APCDD1L: variants seen among roughly 807,000 people sequenced by gnomAD.
APCDD1L encodes the protein protein APCDD1-like.
A neutral mutation model predicts 24.2 loss-of-function variants in APCDD1L; 21 were observed. The observed-to-expected ratio is 0.87, with a 90% CI of 0.61 to 1.25. The LOEUF (loss-of-function observed/expected upper bound fraction) is 1.25. APCDD1L is among the 50% of genes most tolerant of loss of function. APCDD1L has a pLI of 0.00. For missense variants in APCDD1L, 704 were observed against 711.7 expected (o/e 0.99, Z 0.12); for synonymous variants, 321 against 323.6 (o/e 0.99, Z 0.09).
chr20:58,504,989 G>A (rs2075211990), intron 1 of APCDD1L, among the ~76,000 whole-genome samples: 2 of 152,190 alleles, frequency 1.3e-5, no homozygotes, highest in South Asian at 4.1e-4. Flanking sequence ...AAACTGTGAA[G>A]CTGTAAACCC....
chr20:58,512,518 TC>T (rs1228128752), intron 1 of APCDD1L, among the ~76,000 whole-genome samples: 1 of 151,880 alleles, frequency 6.6e-6, no homozygotes, highest in Non-Finnish European at 1.5e-5. Flanking sequence ...CAACAAAGAA[TC>T]CTCTGGTGCC....
At chr20:58,474,057 C>T (rs766999839) in intron 1 of APCDD1L, among the ~76,000 whole-genome samples, 1 of 152,204 alleles carries the variant, frequency 6.6e-6, no homozygotes, top group Non-Finnish European at 1.5e-5. Context: ...ACTCACTGAG[C>T]ACACCCAGAA....
chr20:58,498,609 G>T (rs1441136128), intron 1 of APCDD1L, among the ~76,000 whole-genome samples: 3 of 152,220 alleles, frequency 2.0e-5, no homozygotes, highest in Non-Finnish European at 2.9e-5. Flanking sequence ...GCAGAGGGAG[G>T]AGGTCCGGGA....
At position 58,462,199 on chromosome 20, in the gene APCDD1L, G is replaced by A. The variant is rs1021635515; in HGVS notation, c.742-645C>T. On this transcript the variant is annotated intron_variant, in intron 3 of 3. Transcript: ENST00000371149. ...TTGGTCCTGGAATTTGACCGTGAAAGTTGATCTTTTTCTAGCTCACTCTTC... is the reference window on the plus strand; with the variant it reads ...TTGGTCCTGGAATTTGACCGTGAAAATTGATCTTTTTCTAGCTCACTCTTC... 1.5e-4 allele frequency among the ~76,000 whole-genome samples: 23 copies of A among 152,290 alleles called. No individual in the cohort carries two copies. The East Asian group carries it at 1.7e-3, about 12-fold the overall frequency.
At chr20:58,476,145 ATCAT>A (rs1024929274) in intron 1 of APCDD1L, among the ~76,000 whole-genome samples, 8 of 152,184 alleles carry the variant, frequency 5.3e-5, no homozygotes, top group Non-Finnish European at 1.2e-4. Context: ...TGACCCAACT[ATCAT>A]TCATTCATTC....
chr20:58,489,571 C>G (rs1399956114), intron 1 of APCDD1L, among the ~76,000 whole-genome samples: 1 of 151,500 alleles, frequency 6.6e-6, no homozygotes. Flanking sequence ...GTAATCCCAG[C>G]TACTTTGGAG....
chr20:58,488,118 T>G (rs1600863342), intron 1 of APCDD1L, among the ~76,000 whole-genome samples: 1 of 152,166 alleles, frequency 6.6e-6, no homozygotes, highest in East Asian at 1.9e-4. Context: ...AATAAACAAC[T>G]CATACATTTT....
chr20:58,466,721 C>T (rs6026290), intron 3 of APCDD1L, among the ~76,000 whole-genome samples: 3,941 of 152,226 alleles, frequency 0.026, 178 homozygotes, highest in African/African-American at 0.09. Flanking sequence ...CTGCGGGAAA[C>T]GGGGAACGGT....
chr20:58,476,222 G>A (rs1356615935), intron 1 of APCDD1L, among the ~76,000 whole-genome samples: 1 of 152,110 alleles, frequency 6.6e-6, no homozygotes, highest in Non-Finnish European at 1.5e-5. Context: ...ACGGAGTCTT[G>A]CTCTGTCGCC....
intron 1 of APCDD1L, among the ~76,000 whole-genome samples, chr20:58,477,568 T>C (rs181521693): frequency 4.5e-4 from 69 of 152,360 alleles, no homozygotes; most frequent in African/African-American, 1.6e-3. Flanking sequence ...TAAGGAGGCA[T>C]CTACCATGTT....
At chr20:58,477,981 A>G (rs1360404414) in intron 1 of APCDD1L, among the ~76,000 whole-genome samples, 2 of 152,140 alleles carry the variant, frequency 1.3e-5, no homozygotes, top group Non-Finnish European at 2.9e-5. Context: ...TCTCCCATTT[A>G]TCTTTTTATT....
chr20:58,473,464 G>A (rs1989850602), intron 1 of APCDD1L, among the ~76,000 whole-genome samples: 1 of 152,210 alleles, frequency 6.6e-6, no homozygotes, highest in Non-Finnish European at 1.5e-5. Context: ...ACCTGTGGAG[G>A]AGCATCACGT....
At chr20:58,510,950 C>G (rs952953140) in intron 1 of APCDD1L, among the ~76,000 whole-genome samples, 2 of 152,204 alleles carry the variant, frequency 1.3e-5, no homozygotes, top group African/African-American at 4.8e-5. Flanking sequence ...TTCCTGAGAG[C>G]AGGGGCGCTG....
At chr20:58,475,130 G>A (rs1383753144) in intron 1 of APCDD1L, among the ~76,000 whole-genome samples, 1 of 152,226 alleles carries the variant, frequency 6.6e-6, no homozygotes, top group African/African-American at 2.4e-5. Flanking sequence ...CGCAGGTATG[G>A]ATCAAAGAGA....
At chr20:58,510,804 C>T (rs1428402775) in intron 1 of APCDD1L, among the ~76,000 whole-genome samples, 2 of 152,190 alleles carry the variant, frequency 1.3e-5, no homozygotes, top group East Asian at 3.8e-4. Flanking sequence ...CAGGGTTAAA[C>T]CCAAAGAATT....
intron 1 of APCDD1L, among the ~76,000 whole-genome samples, chr20:58,514,169 G>T (rs989076075): frequency 6.6e-6 from 1 of 152,172 alleles, no homozygotes; most frequent in African/African-American, 2.4e-5. Context: ...CGAGCCTGGG[G>T]TCACTGCGCG....
chr20:58,511,135 C>T (rs1258140475), intron 1 of APCDD1L, among the ~76,000 whole-genome samples: 3 of 152,218 alleles, frequency 2.0e-5, no homozygotes, highest in African/African-American at 7.2e-5. Flanking sequence ...CTGATTGGGC[C>T]ACATGCCCAG....
At chr20:58,500,010 T>G (rs926980676) in intron 1 of APCDD1L, among the ~76,000 whole-genome samples, 8 of 152,154 alleles carry the variant, frequency 5.3e-5, no homozygotes, top group Admixed American at 1.3e-4. Flanking sequence ...AAAAAACACA[T>G]GTAAATATTT....
intron 3 of APCDD1L, among the ~76,000 whole-genome samples, chr20:58,466,449 C>A (rs1048223864): frequency 6.6e-6 from 1 of 152,206 alleles, no homozygotes; most frequent in African/African-American, 2.4e-5. Context: ...AGTGGCTGTG[C>A]GGCTAGGTCA....
Sources: allele counts gnomAD v4.1 joint callset (sites outside exome capture counted in the v4.1 genomes callset), GRCh38; gene constraint gnomAD v4.1.1; transcripts MANE v1.5; gene names NCBI Gene and HGNC (gene_info 2026-07-23, HGNC 2026-07-21).